Variants in LYPD6B observed in about 807,000 individuals in gnomAD.
LYPD6B encodes the protein ly6/PLAUR domain-containing protein 6B.
Under a neutral mutation model 22.8 loss-of-function variants are expected in LYPD6B, and 17 were observed. The ratio of observed to expected loss-of-function variants is 0.75; its 90% CI spans 0.51 to 1.12. The LOEUF (loss-of-function observed/expected upper bound fraction) is 1.12. Among genes scored for constraint, LYPD6B ranks in the 50% most tolerant of loss-of-function variants. LYPD6B has a pLI of 0.00. For synonymous variants in LYPD6B, 106 were observed against 91.6 expected (o/e 1.16, Z -0.90); for missense variants, 221 against 258.3 (o/e 0.86, Z 0.99).
At chr2:149,158,346 ATGATATTC>A (rs1459384015) in intron 2 of LYPD6B, among the ~76,000 whole-genome samples, 4 of 152,234 alleles carry the variant, frequency 2.6e-5, no homozygotes, top group Non-Finnish European at 5.9e-5. Flanking sequence ...ATAAAAAGGA[ATGATATTC>A]TGATACATAC....
intron 3 of LYPD6B, among the ~76,000 whole-genome samples, chr2:149,163,730 C>A (rs544177876): frequency 6.6e-6 from 1 of 152,206 alleles, no homozygotes; most frequent in African/African-American, 2.4e-5. Flanking sequence ...AGTGAAGTAA[C>A]CTTTTGCTTA....
intron 1 of LYPD6B, among the ~76,000 whole-genome samples, chr2:149,057,692 T>G (rs1441394338): frequency 2.0e-5 from 3 of 151,776 alleles, no homozygotes; most frequent in Non-Finnish European, 4.4e-5. Context: ...ACCCAGCAAA[T>G]GGAAGAATTA....
At chr2:149,050,754 A>C (rs1218721759) in intron 1 of LYPD6B, among the ~76,000 whole-genome samples, 1 of 152,070 alleles carries the variant, frequency 6.6e-6, no homozygotes, top group Non-Finnish European at 1.5e-5. Flanking sequence ...AACAGGGGAC[A>C]CCTCTGTTTT....
At chr2:149,051,551 T>C (rs1683562391) in intron 1 of LYPD6B, among the ~76,000 whole-genome samples, 2 of 152,220 alleles carry the variant, frequency 1.3e-5, no homozygotes, top group Admixed American at 6.5e-5. Context: ...CTTTTTGCTA[T>C]TATAAACAGC....
chr2:149,113,770 T>C (rs921091360), intron 1 of LYPD6B, among the ~76,000 whole-genome samples: 5 of 152,166 alleles, frequency 3.3e-5, no homozygotes, highest in African/African-American at 1.2e-4. Flanking sequence ...CTCCACACTC[T>C]CTGGGCAGGG....
chr2:149,202,653 A>G (rs186352189), intron 3 of LYPD6B, among the ~76,000 whole-genome samples: 2 of 152,290 alleles, frequency 1.3e-5, no homozygotes, highest in Admixed American at 1.3e-4. Context: ...TTTGCATTAG[A>G]GTCAAGACCT....
rs561933493 is a variant in LYPD6B at position 149,109,543 on chromosome 2, T to A, written c.-66-21340T>A. On this transcript the variant is annotated intron_variant, in intron 1 of 6. Transcript: ENST00000409642. ...CAAGGTTCATTTACTGTCTCAAATC[T>A]GTAAGTTTATAATATTCATCAAATT... Among the ~76,000 whole-genome samples, 3 of 152,268 alleles carry A rather than the reference T, an allele frequency of 2.0e-5. No individual in the cohort carries two copies. The South Asian group carries it at 6.2e-4, about 32-fold the overall frequency.
chr2:149,090,735 G>C (rs1452550140), intron 1 of LYPD6B, among the ~76,000 whole-genome samples: 1 of 152,050 alleles, frequency 6.6e-6, no homozygotes, highest in Non-Finnish European at 1.5e-5. Flanking sequence ...AAATAGAAGG[G>C]TCTTAAATCT....
At chr2:149,171,162 G>A (rs1559049684) in intron 3 of LYPD6B, among the ~76,000 whole-genome samples, 1 of 152,066 alleles carries the variant, frequency 6.6e-6, no homozygotes, top group Non-Finnish European at 1.5e-5. Context: ...AATAATGTGT[G>A]CCCGGGAGCA....
At chr2:149,043,669 C>T (rs925096227) in intron 1 of LYPD6B, among the ~76,000 whole-genome samples, 2 of 152,106 alleles carry the variant, frequency 1.3e-5, no homozygotes, top group Non-Finnish European at 2.9e-5. Context: ...TTTTTTAATA[C>T]ATCCAACTTT....
At chr2:149,043,328 C>T (rs1189246385) in intron 1 of LYPD6B, among the ~76,000 whole-genome samples, 1 of 151,980 alleles carries the variant, frequency 6.6e-6, no homozygotes, top group African/African-American at 2.4e-5. Flanking sequence ...ATAAAGTACA[C>T]CAAAAGTTAA....
intron 3 of LYPD6B, among the ~76,000 whole-genome samples, chr2:149,191,502 G>T (rs1446576635): frequency 6.6e-6 from 1 of 152,072 alleles, no homozygotes; most frequent in African/African-American, 2.4e-5. Flanking sequence ...ATGTATTTGA[G>T]TCTATGTCTG....
At chr2:149,132,419 T>C (rs1391203802) in intron 2 of LYPD6B, among the ~76,000 whole-genome samples, 1 of 151,568 alleles carries the variant, frequency 6.6e-6, no homozygotes, top group Admixed American at 6.6e-5. Context: ...TGGAACATGA[T>C]TGCTTAGGCC....
At position 149,214,721 on chromosome 2, in the gene LYPD6B, C is replaced by G. The variant is rs777249147; in HGVS notation, c.*11C>G. The G allele has an allele frequency of 3.1e-6, 5 of 1,613,632 alleles. No homozygotes were observed. Among genetic ancestry groups the G allele is most frequent in the Non-Finnish European group, 1.7e-6 (2 of 1,179,718 alleles). On this transcript the variant is annotated 3_prime_UTR_variant, in exon 7 of 7. Transcript: ENST00000409642. ...CTTCCATTGCTGTGATGCCACCATT[C>G]CTAGGAGAGGCAGAGACCAGCCTCT...
intron 3 of LYPD6B, among the ~76,000 whole-genome samples, chr2:149,186,401 G>C (rs1400809971): frequency 6.6e-6 from 1 of 152,176 alleles, no homozygotes; most frequent in Non-Finnish European, 1.5e-5. Context: ...ATTCTGTAAA[G>C]GCTGAGAGAG....
intron 1 of LYPD6B, among the ~76,000 whole-genome samples, chr2:149,108,296 G>A (rs1686580814): frequency 6.6e-6 from 1 of 152,156 alleles, no homozygotes; most frequent in African/African-American, 2.4e-5. Flanking sequence ...TTTGTACATT[G>A]TCCAGTCTCA....
chr2:149,127,874 G>A (rs1040400457), intron 1 of LYPD6B, among the ~76,000 whole-genome samples: 6 of 152,044 alleles, frequency 3.9e-5, no homozygotes, highest in Admixed American at 2.0e-4. Flanking sequence ...GTATAATGGT[G>A]CCCTAATACC....
chr2:149,093,030 T>C (rs1490968617), intron 1 of LYPD6B, among the ~76,000 whole-genome samples: 1 of 152,164 alleles, frequency 6.6e-6, no homozygotes, highest in Non-Finnish European at 1.5e-5. Context: ...GATTTCAGTT[T>C]AAGTCAGAAG....
intron 1 of LYPD6B, among the ~76,000 whole-genome samples, chr2:149,129,371 C>T (rs1687890110): frequency 6.6e-6 from 1 of 152,118 alleles, no homozygotes; most frequent in Admixed American, 6.6e-5. Context: ...GAGAGTGTGG[C>T]CTAAAACACT....
Sources: allele counts gnomAD v4.1 joint callset (sites outside exome capture counted in the v4.1 genomes callset), GRCh38; gene constraint gnomAD v4.1.1; transcripts MANE v1.5; gene names NCBI Gene and HGNC (gene_info 2026-07-23, HGNC 2026-07-21).